Variants in SUGCT observed in about 807,000 individuals in gnomAD.
SUGCT encodes the protein succinyl-CoA:glutarate CoA-transferase.
A neutral mutation model predicts 55.0 loss-of-function variants in SUGCT; 41 were observed. The ratio of observed to expected loss-of-function variants is 0.74; its 90% CI spans 0.58 to 0.97. The LOEUF (loss-of-function observed/expected upper bound fraction) is 0.97, where lower values mean the gene tolerates loss of function less well. SUGCT is among the 50% of genes least tolerant of loss of function. The pLI is 0.00. For synonymous variants in SUGCT, 187 were observed against 200.4 expected (o/e 0.93, Z 0.56); for missense variants, 568 against 547.8 (o/e 1.04, Z -0.37).
chr7:40,953,039 A>G, the SUGCT span, among the ~76,000 whole-genome samples: 95 of 152,294 alleles, frequency 6.2e-4, no homozygotes, highest in African/African-American at 2.3e-3. Flanking sequence ...TAATATCCTG[A>G]AGAGTGTTTT....
intron 12 of SUGCT, among the ~76,000 whole-genome samples, chr7:40,685,965 G>C (rs1784444174): frequency 1.3e-5 from 2 of 152,140 alleles, no homozygotes; most frequent in Non-Finnish European, 2.9e-5. Context: ...TTTCTAGATA[G>C]ATCATCCTAG....
At chr7:40,158,824 G>T (rs1370561084) in intron 1 of SUGCT, among the ~76,000 whole-genome samples, 1 of 152,130 alleles carries the variant, frequency 6.6e-6, no homozygotes, top group Non-Finnish European at 1.5e-5. Context: ...TTACATATTT[G>T]TATTTTTTCA....
intron 13 of SUGCT, among the ~76,000 whole-genome samples, chr7:40,845,587 G>A (rs756137020): frequency 6.6e-6 from 1 of 152,208 alleles, no homozygotes; most frequent in Non-Finnish European, 1.5e-5. Flanking sequence ...CCAGGGATTA[G>A]AGTGCTGTTA....
At chr7:40,907,703 G>A in the SUGCT span, among the ~76,000 whole-genome samples, 3 of 152,110 alleles carry the variant, frequency 2.0e-5, no homozygotes, top group Non-Finnish European at 2.9e-5. Flanking sequence ...ATCACAGCCT[G>A]TTCGCTTAAC....
intron 6 of SUGCT, among the ~76,000 whole-genome samples, chr7:40,216,107 G>A (rs1207985447): frequency 6.7e-6 from 1 of 148,558 alleles, no homozygotes; most frequent in Non-Finnish European, 1.5e-5. Flanking sequence ...CACAGAGAAA[G>A]GCTTTTTTTT....
At chr7:40,853,226 A>T (rs1317891535) in intron 13 of SUGCT, among the ~76,000 whole-genome samples, 1 of 152,238 alleles carries the variant, frequency 6.6e-6, no homozygotes, top group African/African-American at 2.4e-5. Flanking sequence ...TAGTGTATAC[A>T]TACATTAATT....
chr7:40,366,410 A>G (rs1358685065), intron 9 of SUGCT, among the ~76,000 whole-genome samples: 1 of 152,164 alleles, frequency 6.6e-6, no homozygotes, highest in Non-Finnish European at 1.5e-5. Flanking sequence ...CAAAATTGAC[A>G]AATGGGATCT....
At chr7:40,646,759 C>T (rs1800536743) in intron 12 of SUGCT, among the ~76,000 whole-genome samples, 1 of 152,134 alleles carries the variant, frequency 6.6e-6, no homozygotes, top group South Asian at 2.1e-4. Flanking sequence ...TGTCTTTGTA[C>T]CATATCATTT....
chr7:40,949,936 C>A, the SUGCT span, among the ~76,000 whole-genome samples: 1 of 152,272 alleles, frequency 6.6e-6, no homozygotes, highest in South Asian at 2.1e-4. Flanking sequence ...CTTGGCAATG[C>A]AGGCTCTTTT....
chr7:40,298,114 T>A (rs1407220183), intron 8 of SUGCT, among the ~76,000 whole-genome samples: 1 of 151,848 alleles, frequency 6.6e-6, no homozygotes, highest in Non-Finnish European at 1.5e-5. Flanking sequence ...AAGCCATGCA[T>A]GGCTAAGTAA....
intron 12 of SUGCT, among the ~76,000 whole-genome samples, chr7:40,509,544 G>T (rs1218422407): frequency 6.6e-6 from 1 of 152,068 alleles, no homozygotes; most frequent in Non-Finnish European, 1.5e-5. Context: ...GAAGTCCAGC[G>T]GGTAGGCAAA....
intron 8 of SUGCT, among the ~76,000 whole-genome samples, chr7:40,278,777 C>A (rs1792722148): frequency 6.6e-6 from 1 of 151,848 alleles, no homozygotes; most frequent in African/African-American, 2.4e-5. Context: ...TTTTATCCAT[C>A]CTTCCTTATG....
At chr7:40,952,239 G>A in the SUGCT span, among the ~76,000 whole-genome samples, 1 of 151,970 alleles carries the variant, frequency 6.6e-6, no homozygotes, top group Non-Finnish European at 1.5e-5. Context: ...ATCTTTGTTG[G>A]TTTAAAGTCT....
chr7:40,856,150 T>C (rs1794159241), intron 13 of SUGCT, among the ~76,000 whole-genome samples: 1 of 152,202 alleles, frequency 6.6e-6, no homozygotes, highest in Non-Finnish European at 1.5e-5. Context: ...AGGCTTCAGC[T>C]TTCTCTATCT....
chr7:40,321,021 G>A (rs1184063991), intron 9 of SUGCT, among the ~76,000 whole-genome samples: 1 of 151,620 alleles, frequency 6.6e-6, no homozygotes, highest in Admixed American at 6.6e-5. Flanking sequence ...TTATAAGTGA[G>A]AACATGCAGC....
chr7:40,884,717 C>T, the SUGCT span, among the ~76,000 whole-genome samples: 1 of 152,026 alleles, frequency 6.6e-6, no homozygotes, highest in Non-Finnish European at 1.5e-5. Flanking sequence ...GAGTGATAGC[C>T]CCAAAGGAGG....
chr7:40,756,714 C>T (rs1414852935), intron 13 of SUGCT, among the ~76,000 whole-genome samples: 2 of 152,134 alleles, frequency 1.3e-5, no homozygotes, highest in Non-Finnish European at 2.9e-5. Context: ...TGTTGGTGCT[C>T]ATAAGGAATT....
At chr7:40,942,155 C>A in the SUGCT span, among the ~76,000 whole-genome samples, 1 of 152,042 alleles carries the variant, frequency 6.6e-6, no homozygotes, top group African/African-American at 2.4e-5. Flanking sequence ...GTTTCATAGG[C>A]CTGTGAGTTT....
intron 13 of SUGCT, among the ~76,000 whole-genome samples, chr7:40,772,575 TCTG>T (rs758866713): frequency 1.9e-3 from 249 of 129,292 alleles, no homozygotes; most frequent in African/African-American, 2.7e-3. Context: ...GTGTTATCTA[TCTG>T]CTATCTATCT....
Sources: allele counts gnomAD v4.1 joint callset (sites outside exome capture counted in the v4.1 genomes callset), GRCh38; gene constraint gnomAD v4.1.1; transcripts MANE v1.5; gene names NCBI Gene and HGNC (gene_info 2026-07-23, HGNC 2026-07-21).